Variants in UMPS observed in about 807,000 individuals in gnomAD.
The protein encoded by UMPS is uridine monophosphate synthetase.
UMPS carries 21 observed loss-of-function variants against 38.9 expected under a neutral mutation model. That is an observed-to-expected ratio of 0.54 (90% CI 0.38 to 0.78). The LOEUF is 0.78. Ranked by LOEUF, UMPS falls within the 30% of genes least tolerant of loss-of-function variation. The pLI is 0.00. For synonymous variants in UMPS, 208 were observed against 219.3 expected (o/e 0.95, Z 0.45); for missense variants, 533 against 591.6 (o/e 0.90, Z 1.03).
In UMPS at chr3:124,735,120, C is replaced by T; in HGVS notation, c.184C>T (p.Gln62Ter). The T allele has an allele frequency of 2.5e-6, 4 of 1,613,920 alleles. No homozygotes were observed. The highest frequency in any genetic ancestry group is 2.5e-6 in the Non-Finnish European group (3 of 1,179,896). ...TGCAGATATTTTATTCCAAACTGCC[C>T]AAAATGCAGGCATCAGTTTTGACAC... ...QVADILFQTA[Q>*]NAGISFDTVC... The change falls in exon 2 of 6, where the codon CAA becomes TAA. Residue 62 changes from glutamine to a stop codon, truncating the protein, a stop_gained. Coordinates refer to ENST00000232607, the MANE Select transcript of UMPS (RefSeq NM_000373.4). LOFTEE classifies it high-confidence loss of function.
Position 124,745,575 on chromosome 3 carries a change from C to T in UMPS, c.*1491C>T, listed in dbSNP as rs1264508911. On this transcript the variant is annotated 3_prime_UTR_variant, in exon 6 of 6. Transcript: ENST00000232607. ...AGTTTTTACTTCAAGAGCTTCTGCTCTAAAGTCCAATTTGGGCTTCATGTC... is the reference window on the plus strand; with the variant it reads ...AGTTTTTACTTCAAGAGCTTCTGCTTTAAAGTCCAATTTGGGCTTCATGTC... The T allele has an allele frequency of 2.9e-5, 13 of 453,948 alleles. No individual in the cohort carries two copies. Among genetic ancestry groups the T allele is most frequent in the Non-Finnish European group, 4.4e-6 (1 of 226,788 alleles). The allele number at this position is 453,948 out of a possible 1,614,324, so 28.1% of individuals were successfully genotyped here. A position where few individuals can be genotyped will look rare whatever the true frequency, so the allele number is the denominator to read the frequency against.
intron 2 of UMPS, among the ~76,000 whole-genome samples, chr3:124,736,525 ACTC>A (rs2063519761): frequency 6.6e-6 from 1 of 150,380 alleles, no homozygotes; most frequent in African/African-American, 2.5e-5. Flanking sequence ...CTGGTCTTGA[ACTC>A]CTGGTCTCAA....
rs1390582208 is a variant in UMPS, at chr3:124,747,436, G to A, written c.*3352G>A. 2.2e-6 allele frequency: 1 copy of A among 454,216 alleles called. No individual in the cohort carries two copies. The highest frequency in any genetic ancestry group is 4.4e-6 in the Non-Finnish European group (1 of 226,732). The allele number at this position is 454,216 out of a possible 1,614,324, so 28.1% of individuals were successfully genotyped here. The stretch of plus-strand genomic sequence containing the variant: ...GGTGGGTGGGAGTCACTCAGTACCA[G>A]TTCCGAGCCTGAACCCAAACTCTCG... On this transcript the variant is annotated 3_prime_UTR_variant, in exon 6 of 6. Transcript: ENST00000232607.
At chr3:124,740,419 A>T (rs545127269) in intron 4 of UMPS, among the ~76,000 whole-genome samples, 7 of 152,352 alleles carry the variant, frequency 4.6e-5, no homozygotes, top group African/African-American at 1.7e-4. Context: ...ATTATACTCC[A>T]AGAGAAACTT....
chr3:124,737,772 C>T lies in UMPS; in HGVS notation c.515C>T (p.Ser172Leu). 6.2e-7 allele frequency: 1 copy of T among 1,614,156 alleles called. No homozygotes were observed. Among genetic ancestry groups the T allele is most frequent in the Non-Finnish European group, 8.5e-7 (1 of 1,180,036 alleles). Reference protein sequence around the residue: ...KLQAHGIRLHSVCTLSKMLEI... With the variant: ...KLQAHGIRLHLVCTLSKMLEI... ...CAGGCGCACGGGATCCGCCTCCACT[C>T]AGTGTGTACATTGTCCAAAATGCTG... is the stretch of plus-strand genomic sequence containing the variant. Residue 172 changes from serine to leucine, a missense_variant, in exon 3 of 6, where the codon TCA (serine) becomes TTA (leucine). By Grantham distance (145) the Ser-to-Leu change is moderately radical. Transcript: ENST00000232607.
chr3:124,733,076 G>T (rs1043452603), intron 1 of UMPS, among the ~76,000 whole-genome samples: 1 of 151,402 alleles, frequency 6.6e-6, no homozygotes, highest in Non-Finnish European at 1.5e-5. Context: ...CATCTTATGC[G>T]AATAGAATTT....
Position 124,737,289 on chromosome 3 carries a change from A to G in UMPS, c.311-279A>G, listed in dbSNP as rs17843817. 6.1e-3 allele frequency: 2,123 copies of G among 349,428 alleles called. 8 individuals carry two copies. Among genetic ancestry groups the G allele is most frequent in the Non-Finnish European group, 8.1e-3 (1,550 of 191,680 alleles). The allele number at this position is 349,428 out of a possible 1,614,324, so 21.6% of individuals were successfully genotyped here. A position where few individuals can be genotyped will look rare whatever the true frequency, so the allele number is the denominator to read the frequency against. ...AAAAAAAAAACCTCTCTATTTGAAA[A>G]TTTGATCATAAAACACATTAAGCAG... On this transcript the variant is annotated intron_variant, in intron 2 of 5. Coordinates refer to ENST00000232607, the MANE Select transcript of UMPS (RefSeq NM_000373.4).
intron 5 of UMPS, among the ~76,000 whole-genome samples, chr3:124,743,319 G>A (rs1012953035): frequency 2.0e-5 from 3 of 150,982 alleles, no homozygotes; most frequent in East Asian, 3.9e-4. Flanking sequence ...GGGTGACAGA[G>A]CAAGACTCTG....
intron 4 of UMPS, 50 bp from the exon 5 acceptor site, chr3:124,742,102 C>A: frequency 4.5e-6 from 5 of 1,106,482 alleles, no homozygotes; most frequent in Admixed American, 2.0e-5. Context: ...TACTTTTATT[C>A]TGTGTGATTA....
rs183441859 is a variant in UMPS, at chr3:124,745,924, A to G, written c.*1840A>G. Reference sequence around the variant, plus strand: ...CACCTGGAGTCTTGTCAAAACAGGTACCAGCCCCACCCGCAGCGTTTCTGA... The same window carrying G: ...CACCTGGAGTCTTGTCAAAACAGGTGCCAGCCCCACCCGCAGCGTTTCTGA... On this transcript the variant is annotated 3_prime_UTR_variant, in exon 6 of 6. Coordinates refer to ENST00000232607, the MANE Select transcript of UMPS (RefSeq NM_000373.4). 11 of 454,096 alleles carry G rather than the reference A, an allele frequency of 2.4e-5. No homozygotes were observed. The highest frequency in any genetic ancestry group is 6.9e-4 in the Middle Eastern group (1 of 1,442). 28.1% of individuals were successfully genotyped at this position (454,096 alleles called of 1,614,324 possible).
intron 3 of UMPS, chr3:124,738,553 T>G (rs1362867211): frequency 2.9e-6 from 1 of 342,630 alleles, no homozygotes; most frequent in African/African-American, 2.1e-5. Context: ...GGTTGTTAAC[T>G]CTGTATGACC....
rs780514628 is a variant in UMPS, at chr3:124,742,254, T to C, written c.1261T>C (p.Leu421=). The C allele has an allele frequency of 3.1e-6, 5 of 1,613,808 alleles. No homozygotes were observed. Among genetic ancestry groups the C allele is most frequent in the Non-Finnish European group, 4.2e-6 (5 of 1,179,762 alleles). The change falls in exon 5 of 6, where the codon TTG becomes CTG. Residue 421 remains leucine, a synonymous_variant. Transcript: ENST00000232607. ...EFLHLTPGVQ[L]EAGGDNLGQQ... ...TCTTCACTTGACTCCAGGAGTTCAG[T>C]TGGAAGCAGGAGGTAAATCTGGTCA...
chr3:124,737,237 CTA>C (rs1445414149), intron 2 of UMPS: 2 of 297,882 alleles, frequency 6.7e-6, no homozygotes, highest in Non-Finnish European at 1.3e-5. Flanking sequence ...GACCTCATCT[CTA>C]TGATAAAACA....
intron 4 of UMPS, among the ~76,000 whole-genome samples, chr3:124,740,584 T>C (rs1017555725): frequency 2.0e-5 from 3 of 152,172 alleles, no homozygotes; most frequent in African/African-American, 4.8e-5. Context: ...GAGATGCACA[T>C]TCCCATGACA....
rs1234057893 is a variant in UMPS, at chr3:124,744,389, G to A, written c.*305G>A. 2.0e-6 allele frequency: 1 copy of A among 489,248 alleles called. No individual in the cohort carries two copies. Among genetic ancestry groups the A allele is most frequent in the Non-Finnish European group, 4.0e-6 (1 of 250,406 alleles). 30.3% of individuals were successfully genotyped at this position (489,248 alleles called of 1,614,324 possible). On this transcript the variant is annotated 3_prime_UTR_variant, in exon 6 of 6. Transcript: ENST00000232607. The stretch of plus-strand genomic sequence containing the variant: ...TGAGGATCCTTCCTATCTCTCCATG[G>A]GACTAGACTGCTTTGTTATTCTATT...
chr3:124,740,209 G>A lies in UMPS; in HGVS notation c.1158+10G>A, dbSNP rs371807738. ...CTACACTAGAGCAGCGGTAAGTGGT[G>A]GGGGGACTGGGTGAGAGGGGGCAGG... is the stretch of plus-strand genomic sequence containing the variant. On this transcript the variant is annotated intron_variant, in intron 4 of 5. Coordinates refer to ENST00000232607, the MANE Select transcript of UMPS (RefSeq NM_000373.4). 1.2e-6 allele frequency: 2 copies of A among 1,602,202 alleles called. No individual in the cohort carries two copies. Among genetic ancestry groups the A allele is most frequent in the Admixed American group, 1.7e-5 (1 of 59,316 alleles).
chr3:124,736,931 G>T (rs1354976706), intron 2 of UMPS, among the ~76,000 whole-genome samples: 1 of 152,188 alleles, frequency 6.6e-6, no homozygotes, highest in Non-Finnish European at 1.5e-5. Context: ...GTAGTAATGG[G>T]TCTAAATGAT....
Position 124,747,680 on chromosome 3 carries a change from A to G in UMPS, c.*3596A>G, listed in dbSNP as rs532114818. On this transcript the variant is annotated 3_prime_UTR_variant, in exon 6 of 6. Coordinates refer to ENST00000232607, the MANE Select transcript of UMPS (RefSeq NM_000373.4). ...CCAGGGTGGTTTATTACACGGCAAT[A>G]TCTAGCTAAATACATTTAACTTGCT... 1 of 453,614 alleles carries G rather than the reference A, an allele frequency of 2.2e-6. No homozygotes were observed. Among genetic ancestry groups the G allele is most frequent in the East Asian group, 7.0e-5 (1 of 14,376 alleles). The allele number at this position is 453,614 out of a possible 1,614,324, so 28.1% of individuals were successfully genotyped here.
chr3:124,741,357 A>G (rs1261116240), intron 4 of UMPS, among the ~76,000 whole-genome samples: 2 of 152,170 alleles, frequency 1.3e-5, no homozygotes, highest in Non-Finnish European at 2.9e-5. Flanking sequence ...GGAAGTATCA[A>G]ATAAGAAGGG....
Sources: gnomAD v4.1 joint callset for allele counts (sites outside exome capture counted in the v4.1 genomes callset) on GRCh38, gnomAD v4.1.1 for gene constraint, MANE v1.5 for transcripts, NCBI Gene and HGNC (gene_info 2026-07-23, HGNC 2026-07-21) for gene names.